Variants in VPS13D observed in about 807,000 individuals in gnomAD.
The protein encoded by VPS13D is vacuolar protein sorting 13 homolog D.
A neutral mutation model predicts 461.9 loss-of-function variants in VPS13D; 187 were observed. That is an observed-to-expected ratio of 0.40 (90% CI 0.36 to 0.46). The LOEUF is 0.46. VPS13D is among the 20% of genes least tolerant of loss of function. The pLI is 0.60. For synonymous variants in VPS13D, 1,951 were observed against 1,986.3 expected, an observed-to-expected ratio of 0.98 and a Z score of 0.47; for missense variants, 4,711 against 5,364.9, an observed-to-expected ratio of 0.88 and a Z score of 3.81.
chr1:12,322,350 G>T (rs1057509759), intron 33 of VPS13D, among the ~76,000 whole-genome samples, 186 bp from the exon 34 acceptor site: 1 of 152,184 alleles, frequency 6.6e-6, no homozygotes, highest in Non-Finnish European at 1.5e-5. Flanking sequence ...TGACCTCATA[G>T]TTGAGACATC....
intron 5 of VPS13D, among the ~76,000 whole-genome samples, chr1:12,246,188 C>T (rs1353409884): frequency 6.6e-6 from 1 of 152,150 alleles, no homozygotes; most frequent in Non-Finnish European, 1.5e-5. Context: ...TGTCATTAGG[C>T]TAACTGTGTC....
rs189885329 is a variant in VPS13D at position 12,416,869 on chromosome 1, G to A, written c.12333+42G>A. ...GAAATTCCATTATAATTAACCTCAC[G>A]AGTCCTCTACAGTACTACAATTTCT... On this transcript the variant is annotated intron_variant, in intron 65 of 69. Coordinates refer to ENST00000620676, the MANE Select transcript of VPS13D (RefSeq NM_015378.4). 2.9e-4 allele frequency: 456 copies of A among 1,577,760 alleles called. 3 individuals are homozygous for A. The highest frequency in any genetic ancestry group is 1.5e-3 in the Middle Eastern group (8 of 5,454).
chr1:12,279,027 T>G lies in VPS13D; in HGVS notation c.4451-472T>G, dbSNP rs1557682317. Among the ~76,000 whole-genome samples the G allele has an allele frequency of 2.0e-5, 3 of 152,228 alleles. No homozygotes were observed. The South Asian group carries it at 6.2e-4, about 32-fold the overall frequency. The stretch of plus-strand genomic sequence containing the variant: ...ATTCACTGATTTGTTTTTATACTTA[T>G]CAAAAGATAGCTTTCTCTGCTTGGA... On this transcript the variant is annotated intron_variant, in intron 19 of 69. Coordinates refer to ENST00000620676, the MANE Select transcript of VPS13D (RefSeq NM_015378.4). This position sits in a 1 kb window ranked among gnomAD's most constrained non-coding sequence, Gnocchi z 4.3.
intron 24 of VPS13D, among the ~76,000 whole-genome samples, chr1:12,294,429 A>AG (rs1411392469): frequency 3.3e-5 from 5 of 152,234 alleles, no homozygotes; most frequent in Admixed American, 2.0e-4. Context: ...TACTGAAAGG[A>AG]GTATAGAATG....
rs774251170 is a variant in VPS13D at position 12,311,931 on chromosome 1, C to T, written c.6935+6C>T. 5.0e-6 allele frequency: 8 copies of T among 1,603,048 alleles called. No individual in the cohort carries two copies. The highest frequency in any genetic ancestry group is 6.0e-6 in the Non-Finnish European group (7 of 1,170,682). On this transcript the variant is annotated splice_donor_region_variant and intron_variant, in intron 29 of 69. Transcript: ENST00000620676. ...GGTGCTGGGTCCCTAGCCAGGTATG[C>T]CTTTGATTATATTATTATACTGTTA... is the stretch of plus-strand genomic sequence containing the variant.
chr1:12,465,099 T>C (rs1645464694), intron 67 of VPS13D: 1 of 152,140 alleles, frequency 6.6e-6, no homozygotes, highest in Non-Finnish European at 1.5e-5. Context: ...AGATACTTAG[T>C]AGAAAGTTGC....
rs139602760 is a variant in VPS13D, at chr1:12,392,545, TAAAA to T, written c.11634+6227_11634+6230del. On this transcript the variant is annotated intron_variant, in intron 60 of 69. Coordinates refer to ENST00000620676, the MANE Select transcript of VPS13D (RefSeq NM_015378.4). ...TAAAATAATATTATTGTATAAATGTTAAAAAAAAAAAAAAAAAAAGAAAGCACAC... is the reference window on the plus strand; with the variant it reads ...TAAAATAATATTATTGTATAAATGTTAAAAAAAAAAAAAAAGAAAGCACAC... 5.2e-3 allele frequency among the ~76,000 whole-genome samples: 666 copies of T among 129,292 alleles called. 2 individuals carry two copies. The highest frequency in any genetic ancestry group is 0.032 in the Middle Eastern group (8 of 250). 84.8% of individuals were successfully genotyped at this position (129,292 alleles called of 152,430 possible).
At chr1:12,407,715 T>C (rs1470699093) in intron 63 of VPS13D, among the ~76,000 whole-genome samples, 1 of 152,164 alleles carries the variant, frequency 6.6e-6, no homozygotes, top group Non-Finnish European at 1.5e-5. Context: ...TAACTTTTAC[T>C]TAAGGGCCAG....
rs116834483 is a variant in VPS13D at position 12,383,734 on chromosome 1, G to A, written c.11370+579G>A. ...AGGTATTTACTGAGCAGCTACTTGAGCCAGCACAGGTCTAGGTACGGAACA... is the reference window on the plus strand; with the variant it reads ...AGGTATTTACTGAGCAGCTACTTGAACCAGCACAGGTCTAGGTACGGAACA... On this transcript the variant is annotated intron_variant, in intron 58 of 69. Coordinates refer to ENST00000620676, the MANE Select transcript of VPS13D (RefSeq NM_015378.4). 8.4e-3 allele frequency among the ~76,000 whole-genome samples: 1,279 copies of A among 152,328 alleles called. 18 individuals carry two copies. The highest frequency in any genetic ancestry group is 0.028 in the African/African-American group (1,159 of 41,560).
In VPS13D at chr1:12,481,442, A is replaced by G. The variant is rs189955877; in HGVS notation, c.12663-16058A>G. 9.5e-4 allele frequency among the ~76,000 whole-genome samples: 144 copies of G among 152,296 alleles called. 3 individuals carry two copies. The highest frequency in any genetic ancestry group is 1.6e-4 in the Non-Finnish European group (11 of 68,028). On this transcript the variant is annotated intron_variant, in intron 67 of 69. Transcript: ENST00000620676. ...TATATATATCGATTTCCAGGCTTGT[A>G]GAGGCAAGACCTACAGTCCAGGAGT... is the stretch of plus-strand genomic sequence containing the variant.
At position 12,345,965 on chromosome 1, in the gene VPS13D, C is replaced by T. The variant is rs557752051; in HGVS notation, c.9021+456C>T. On this transcript the variant is annotated intron_variant, in intron 43 of 69. Transcript: ENST00000620676. The stretch of plus-strand genomic sequence containing the variant: ...TATTTTCTGATCACACATGCTCTCA[C>T]ATACCCTTCCTGCCTGTAGTCCCAG... Among the ~76,000 whole-genome samples the T allele has an allele frequency of 8.5e-5, 13 of 152,252 alleles. 1 individual carries two copies. The East Asian group carries it at 2.1e-3, about 25-fold the overall frequency.
intron 37 of VPS13D, among the ~76,000 whole-genome samples, chr1:12,330,834 G>T (rs1229649138): frequency 1.3e-5 from 2 of 151,960 alleles, no homozygotes; most frequent in African/African-American, 2.4e-5. Context: ...TCCCAAAGTG[G>T]TGGGATTACA....
chr1:12,377,227 T>G (rs1197924931), intron 55 of VPS13D, among the ~76,000 whole-genome samples: 1 of 151,020 alleles, frequency 6.6e-6, no homozygotes, highest in East Asian at 2.0e-4. Flanking sequence ...GCCCAGCTAA[T>G]TTTTGTATTT....
chr1:12,308,797 A>G (rs993751705), intron 27 of VPS13D, among the ~76,000 whole-genome samples, 156 bp downstream of exon 27: 1 of 151,930 alleles, frequency 6.6e-6, no homozygotes, highest in East Asian at 1.9e-4. Flanking sequence ...GATTACAGGC[A>G]CATGCTACCA....
intron 27 of VPS13D, among the ~76,000 whole-genome samples, chr1:12,309,758 T>TCTCAAAAA (rs1642679948): frequency 7.7e-6 from 1 of 130,274 alleles, no homozygotes; most frequent in Non-Finnish European, 1.5e-5. Flanking sequence ...CAAGACTCAG[T>TCTCAAAAA]CTCAAAAAAA....
chr1:12,308,119 C>T (rs184220958), intron 26 of VPS13D, among the ~76,000 whole-genome samples: 2 of 152,248 alleles, frequency 1.3e-5, no homozygotes, highest in Admixed American at 1.3e-4. Context: ...CAGATTTCGT[C>T]ATCAATCCCC....
intron 60 of VPS13D, among the ~76,000 whole-genome samples, chr1:12,399,812 T>C (rs1376897701): frequency 6.6e-6 from 1 of 152,060 alleles, no homozygotes; most frequent in African/African-American, 2.4e-5. Flanking sequence ...AGAGTGAAAC[T>C]GTCTCAGAAA....
At chr1:12,497,378 A>G (rs941858186) in intron 67 of VPS13D, 122 bp from the exon 68 acceptor site, 33 of 1,246,430 alleles carry the variant, frequency 2.6e-5, no homozygotes, top group Non-Finnish European at 3.5e-5. Flanking sequence ...CTGTAGGTTA[A>G]TTCTGTTCAC....
intron 66 of VPS13D, among the ~76,000 whole-genome samples, chr1:12,456,756 C>T (rs572392312): frequency 3.3e-5 from 5 of 152,210 alleles, no homozygotes; most frequent in South Asian, 2.1e-4. Flanking sequence ...ATACGACAGC[C>T]GGTGAGAACT....
Sources: gnomAD v4.1 joint callset for allele counts (sites outside exome capture counted in the v4.1 genomes callset) on GRCh38, gnomAD v4.1.1 for gene constraint, Gnocchi (gnomAD v3.1) non-coding constraint, MANE v1.5 for transcripts, NCBI Gene and HGNC (gene_info 2026-07-23, HGNC 2026-07-21) for gene names.